ARHGAP31: variants seen among roughly 807,000 people sequenced by gnomAD.
ARHGAP31 encodes the protein rho GTPase-activating protein 31.
Under a neutral mutation model 113.9 loss-of-function variants are expected in ARHGAP31, and 34 were observed. The ratio of observed to expected loss-of-function variants is 0.30; its 90% CI spans 0.23 to 0.40. ARHGAP31 has a LOEUF of 0.40. Ranked by LOEUF, ARHGAP31 falls within the 10% of genes least tolerant of loss-of-function variation. The pLI, the probability that ARHGAP31 is intolerant of heterozygous loss-of-function variation, is 1.00. For missense variants in ARHGAP31, 1,548 were observed against 1,767.1 expected (o/e 0.88, Z 2.22); for synonymous variants, 650 against 684.8 (o/e 0.95, Z 0.79).
intron 1 of ARHGAP31, among the ~76,000 whole-genome samples, chr3:119,313,045 T>C (rs989270298): frequency 6.6e-6 from 1 of 152,238 alleles, no homozygotes; most frequent in African/African-American, 2.4e-5. Context: ...CAACTACCCA[T>C]TTTGTAACTA....
chr3:119,376,399 G>T (rs751673137), intron 3 of ARHGAP31, among the ~76,000 whole-genome samples: 13 of 152,142 alleles, frequency 8.5e-5, no homozygotes, highest in Admixed American at 5.2e-4. Flanking sequence ...TAAGGCAGGA[G>T]AATTGCTTGA....
chr3:119,379,127 C>T (rs2080374193), intron 3 of ARHGAP31, among the ~76,000 whole-genome samples: 2 of 152,224 alleles, frequency 1.3e-5, no homozygotes, highest in African/African-American at 4.8e-5. Context: ...GGGCAAAGCC[C>T]TGGCCTGCTG....
intron 1 of ARHGAP31, among the ~76,000 whole-genome samples, chr3:119,306,130 G>C (rs2079629002): frequency 1.3e-5 from 2 of 152,168 alleles, no homozygotes; most frequent in African/African-American, 4.8e-5. Context: ...GCATAAGAAA[G>C]ACTAAAAATG....
intron 1 of ARHGAP31, among the ~76,000 whole-genome samples, chr3:119,341,019 AT>A (rs1400308824): frequency 2.0e-5 from 3 of 152,108 alleles, no homozygotes; most frequent in Non-Finnish European, 2.9e-5. Flanking sequence ...ACATCATGGG[AT>A]TTTTTTTCTC....
At chr3:119,380,877 C>T in intron 3 of ARHGAP31, 27 bp from the exon 4 acceptor site, 1 of 1,608,446 alleles carries the variant, frequency 6.2e-7, no homozygotes, top group Non-Finnish European at 8.5e-7. Flanking sequence ...AAGCACTCAC[C>T]AGGCTGCCTT....
At chr3:119,386,167 G>A (rs1369958667) in intron 6 of ARHGAP31, among the ~76,000 whole-genome samples, 2 of 152,146 alleles carry the variant, frequency 1.3e-5, no homozygotes, top group African/African-American at 4.8e-5. Flanking sequence ...TACACAAAAT[G>A]GAATAAGCCC....
At chr3:119,359,874 C>T (rs1218118541) in intron 1 of ARHGAP31, among the ~76,000 whole-genome samples, 3 of 152,194 alleles carry the variant, frequency 2.0e-5, no homozygotes, top group Non-Finnish European at 4.4e-5. Context: ...AATCCCCCCT[C>T]TCTCCCGTGT....
chr3:119,312,095 G>C (rs1008595242), intron 1 of ARHGAP31, among the ~76,000 whole-genome samples: 2 of 152,258 alleles, frequency 1.3e-5, no homozygotes, highest in African/African-American at 2.4e-5. Flanking sequence ...AAAGAGAGTG[G>C]TGAAGACAAA....
intron 1 of ARHGAP31, among the ~76,000 whole-genome samples, chr3:119,344,955 A>ATT (rs61341906): frequency 1.7e-4 from 25 of 149,498 alleles, no homozygotes; most frequent in Admixed American, 9.3e-4. Flanking sequence ...TGCTGGTGGG[A>ATT]TTTTTTTTTG....
intron 1 of ARHGAP31, among the ~76,000 whole-genome samples, chr3:119,329,077 A>G (rs1336207475): frequency 3.9e-5 from 6 of 152,200 alleles, no homozygotes; most frequent in South Asian, 2.1e-4. Flanking sequence ...TCATATAGCC[A>G]TCTCGTGTAC....
At chr3:119,340,736 C>T (rs190518044) in intron 1 of ARHGAP31, among the ~76,000 whole-genome samples, 1 of 152,272 alleles carries the variant, frequency 6.6e-6, no homozygotes, top group African/African-American at 2.4e-5. Flanking sequence ...CAAGCCAAGG[C>T]TGCAGTCTCC....
At chr3:119,327,663 A>T (rs1464758405) in intron 1 of ARHGAP31, among the ~76,000 whole-genome samples, 1 of 152,230 alleles carries the variant, frequency 6.6e-6, no homozygotes, top group East Asian at 1.9e-4. Context: ...TCACCAGTTC[A>T]TGTATATTTT....
intron 1 of ARHGAP31, among the ~76,000 whole-genome samples, chr3:119,359,735 G>C (rs554108486): frequency 5.3e-5 from 8 of 152,226 alleles, no homozygotes; most frequent in Admixed American, 2.0e-4. Context: ...TTGGATTCTG[G>C]GGGGGAAACG....
chr3:119,396,485 C>G (rs1347982900), intron 8 of ARHGAP31, among the ~76,000 whole-genome samples: 1 of 152,176 alleles, frequency 6.6e-6, no homozygotes, highest in Non-Finnish European at 1.5e-5. Context: ...GAAGTGGTTT[C>G]TTTTTACCAG....
In ARHGAP31 at chr3:119,414,609, G is replaced by A. The variant is rs2080754951; in HGVS notation, c.2680G>A (p.Val894Met). The change falls in exon 12 of 12, where the codon GTG becomes ATG. Residue 894 changes from valine (V) to methionine (M), a missense_variant. Physicochemically the swap from Val to Met is conservative, Grantham distance 21. Coordinates refer to ENST00000264245, the MANE Select transcript of ARHGAP31 (RefSeq NM_020754.4). ...EPSDCDEDDT[V>M]TDIAQHGLEM... Reference sequence around the variant, plus strand: ...TTCAGACTGTGACGAAGATGACACTGTGACAGACATTGCCCAGCATGGCCT... The same window carrying A: ...TTCAGACTGTGACGAAGATGACACTATGACAGACATTGCCCAGCATGGCCT... The A allele has an allele frequency of 6.2e-7, 1 of 1,614,248 alleles. No individual in the cohort carries two copies. Among genetic ancestry groups the A allele is most frequent in the Non-Finnish European group, 8.5e-7 (1 of 1,180,044 alleles).
At position 119,402,475 on chromosome 3, in the gene ARHGAP31, A is replaced by G. The variant is rs775787981; in HGVS notation, c.1645+78A>G. The G allele has an allele frequency of 1.0e-5, 15 of 1,478,336 alleles. No homozygotes were observed. In the African/African-American group the frequency reaches 1.5e-4, roughly 15 times the overall value. 91.6% of individuals were successfully genotyped at this position (1,478,336 alleles called of 1,614,324 possible). A position where few individuals can be genotyped will look rare whatever the true frequency, so the allele number is the denominator to read the frequency against. On this transcript the variant is annotated intron_variant, in intron 10 of 11. Transcript: ENST00000264245. ...TAAATTTGCTTGAGTTTGCAAGGCA[A>G]TATAGTGCGGTGGTTAAGCCTGTGG... is the stretch of plus-strand genomic sequence containing the variant.
intron 1 of ARHGAP31, among the ~76,000 whole-genome samples, chr3:119,298,117 A>G (rs1469534635): frequency 1.3e-5 from 2 of 152,100 alleles, no homozygotes; most frequent in Admixed American, 1.3e-4. Context: ...TTAGCCAGGT[A>G]AGAACACTCA....
intron 10 of ARHGAP31, among the ~76,000 whole-genome samples, chr3:119,409,269 C>T (rs993519100): frequency 3.9e-5 from 6 of 152,182 alleles, no homozygotes; most frequent in Non-Finnish European, 5.9e-5. Flanking sequence ...TGAGAACCAC[C>T]GGACTAGGTG....
Position 119,390,898 on chromosome 3 carries a change from A to G in ARHGAP31, c.796A>G (p.Lys266Glu), listed in dbSNP as rs1338624881. Residue 266 changes from lysine (K) to glutamate (E), a missense_variant, in exon 7 of 12, where the codon AAG (lysine) becomes GAG (glutamate). Transcript: ENST00000264245. ...CCTGGCCACTAACCATCCTGCTCGCAAGGAAAGGAGGGAGAACAGCCTGCC... is the reference window on the plus strand; with the variant it reads ...CCTGGCCACTAACCATCCTGCTCGCGAGGAAAGGAGGGAGAACAGCCTGCC... ...RSLATNHPAR[K>E]ERRENSLPEI... 4 of 1,614,038 alleles carry G rather than the reference A, an allele frequency of 2.5e-6. No homozygotes were observed. The African/African-American group carries it at 4.0e-5, about 16-fold the overall frequency.
Sources: allele counts gnomAD v4.1 joint callset (sites outside exome capture counted in the v4.1 genomes callset), GRCh38; gene constraint gnomAD v4.1.1; transcripts MANE v1.5; gene names NCBI Gene and HGNC (gene_info 2026-07-23, HGNC 2026-07-21).